Variants in TMEM45A observed in about 807,000 individuals in gnomAD.
TMEM45A encodes transmembrane protein 45A.
TMEM45A carries 25 observed loss-of-function variants against 32.0 expected under a neutral mutation model. That is an observed-to-expected ratio of 0.78 (90% CI 0.57 to 1.09). The LOEUF is 1.09. Ranked by LOEUF, TMEM45A falls within the 50% of genes least tolerant of loss-of-function variation. The pLI is 0.00. For missense variants in TMEM45A, 302 were observed against 325.0 expected (o/e 0.93, Z 0.54); for synonymous variants, 122 against 114.8 (o/e 1.06, Z -0.40).
intron 1 of TMEM45A, among the ~76,000 whole-genome samples, chr3:100,510,372 A>G (rs1212742482): frequency 1.3e-5 from 2 of 152,178 alleles, no homozygotes; most frequent in Non-Finnish European, 2.9e-5. Context: ...GACACCTCAC[A>G]TGGCTGGGTA....
At chr3:100,567,305 C>T (rs1327256384) in intron 4 of TMEM45A, among the ~76,000 whole-genome samples, 1 of 151,718 alleles carries the variant, frequency 6.6e-6, no homozygotes, top group Non-Finnish European at 1.5e-5. Flanking sequence ...TGTCAAAAAC[C>T]AATTGACCTC....
At chr3:100,516,176 T>C (rs1365132861) in intron 1 of TMEM45A, among the ~76,000 whole-genome samples, 1 of 152,226 alleles carries the variant, frequency 6.6e-6, no homozygotes, top group East Asian at 1.9e-4. Context: ...GAGAGCTCTC[T>C]GCTTTTATCT....
chr3:100,539,768 TTTAC>T (rs1705828137), intron 1 of TMEM45A, among the ~76,000 whole-genome samples: 2 of 152,168 alleles, frequency 1.3e-5, no homozygotes, highest in South Asian at 4.1e-4. Flanking sequence ...GGCAATCTTC[TTTAC>T]TTAGTCTACC....
chr3:100,558,289 C>A, intron 3 of TMEM45A, 116 bp from the exon 4 acceptor site: 1 of 1,259,164 alleles, frequency 7.9e-7, no homozygotes, highest in South Asian at 1.4e-5. Flanking sequence ...TGGGCGCCTG[C>A]TCTTTTGGAC....
intron 5 of TMEM45A, among the ~76,000 whole-genome samples, chr3:100,575,009 T>C (rs1706651993): frequency 6.6e-6 from 1 of 152,182 alleles, no homozygotes; most frequent in South Asian, 2.1e-4. Flanking sequence ...AGCCATTACA[T>C]ATTGATACAG....
chr3:100,551,841 C>T (rs1219022775), intron 1 of TMEM45A, among the ~76,000 whole-genome samples: 2 of 152,172 alleles, frequency 1.3e-5, no homozygotes, highest in Non-Finnish European at 2.9e-5. Flanking sequence ...AGTTGTATAA[C>T]TGAAGTAGGA....
intron 1 of TMEM45A, among the ~76,000 whole-genome samples, chr3:100,496,038 C>A (rs1181526837): frequency 6.6e-6 from 1 of 152,078 alleles, no homozygotes; most frequent in African/African-American, 2.4e-5. Flanking sequence ...TTTGGAGTTC[C>A]CTTGCTTTCT....
At chr3:100,575,141 C>T (rs759881315) in intron 5 of TMEM45A, among the ~76,000 whole-genome samples, 21 of 152,138 alleles carry the variant, frequency 1.4e-4, no homozygotes, top group Non-Finnish European at 2.6e-4. Context: ...AATTTGTTTG[C>T]ATATTCCTAT....
At chr3:100,529,778 G>A (rs149848263) in intron 1 of TMEM45A, among the ~76,000 whole-genome samples, 243 of 152,084 alleles carry the variant, frequency 1.6e-3, no homozygotes, top group African/African-American at 5.3e-3. Flanking sequence ...GTGCCATTAT[G>A]CCTAACTTTT....
At chr3:100,562,471 G>T (rs983885918) in intron 4 of TMEM45A, among the ~76,000 whole-genome samples, 8 of 152,168 alleles carry the variant, frequency 5.3e-5, no homozygotes, top group African/African-American at 1.9e-4. Flanking sequence ...TTAGGCTCTG[G>T]GGCTGCTAAA....
intron 1 of TMEM45A, among the ~76,000 whole-genome samples, chr3:100,500,326 T>C (rs1169242936): frequency 6.6e-6 from 1 of 152,230 alleles, no homozygotes; most frequent in East Asian, 1.9e-4. Context: ...CTCGTGAACA[T>C]ACTGTGTCCT....
At chr3:100,537,599 T>C (rs1333734728) in intron 1 of TMEM45A, among the ~76,000 whole-genome samples, 1 of 152,080 alleles carries the variant, frequency 6.6e-6, no homozygotes, top group Non-Finnish European at 1.5e-5. Context: ...ATTGGTTGTG[T>C]TGGGCAGAAG....
chr3:100,518,654 C>A (rs1705349979), intron 1 of TMEM45A, among the ~76,000 whole-genome samples: 1 of 152,172 alleles, frequency 6.6e-6, no homozygotes, highest in Admixed American at 6.5e-5. Context: ...AGTGCTGAAA[C>A]TAGCACTAAT....
chr3:100,567,871 G>A (rs1384022525), intron 4 of TMEM45A, among the ~76,000 whole-genome samples: 2 of 151,974 alleles, frequency 1.3e-5, no homozygotes, highest in Non-Finnish European at 2.9e-5. Context: ...TGCAAGCTCC[G>A]CCTCCTGGGT....
chr3:100,545,537 T>C (rs1705965100), intron 1 of TMEM45A, among the ~76,000 whole-genome samples: 1 of 152,196 alleles, frequency 6.6e-6, no homozygotes, highest in Admixed American at 6.5e-5. Flanking sequence ...TGCTCTTCCT[T>C]ATGTCTAGGG....
At chr3:100,539,462 T>TATATACATATGCATATGC (rs1705812136) in intron 1 of TMEM45A, among the ~76,000 whole-genome samples, 4 of 106,336 alleles carry the variant, frequency 3.8e-5, no homozygotes, top group Non-Finnish European at 5.8e-5. Flanking sequence ...TATGTATATG[T>TATATACATATGCATATGC]ATATGTATAT....
chr3:100,540,367 A>T (rs1367594871), intron 1 of TMEM45A, among the ~76,000 whole-genome samples: 1 of 152,230 alleles, frequency 6.6e-6, no homozygotes, highest in Non-Finnish European at 1.5e-5. Context: ...AAAACAACTC[A>T]ATTAAAAAGT....
At chr3:100,523,697 TTCTC>T (rs1167059615) in intron 1 of TMEM45A, among the ~76,000 whole-genome samples, 2 of 150,558 alleles carry the variant, frequency 1.3e-5, no homozygotes, top group Admixed American at 1.3e-4. Context: ...CTCCTTCTCC[TTCTC>T]CTCCTCCTCC....
chr3:100,507,493 G>A (rs191961750), intron 1 of TMEM45A, among the ~76,000 whole-genome samples: 23 of 152,288 alleles, frequency 1.5e-4, no homozygotes, highest in African/African-American at 5.5e-4. Context: ...ATTAGTCTTT[G>A]GGAAAAGTGG....
Sources: allele counts gnomAD v4.1 joint callset (sites outside exome capture counted in the v4.1 genomes callset), GRCh38; gene constraint gnomAD v4.1.1; transcripts MANE v1.5; gene names NCBI Gene and HGNC (gene_info 2026-07-23, HGNC 2026-07-21).